MICU3: variants seen among roughly 807,000 people sequenced by gnomAD.
MICU3 encodes mitochondrial calcium uptake 3.
Under a neutral mutation model 66.5 loss-of-function variants are expected in MICU3, and 62 were observed. The observed-to-expected ratio is 0.93, with a 90% CI of 0.76 to 1.15. MICU3 has a LOEUF of 1.15. MICU3 is among the 50% of genes most tolerant of loss of function. The pLI, the probability that MICU3 is intolerant of heterozygous loss-of-function variation, is 0.00. For synonymous variants in MICU3, 308 were observed against 240.7 expected (o/e 1.28, Z -2.59); for missense variants, 779 against 664.4 (o/e 1.17, Z -1.90).
intron 1 of MICU3, among the ~76,000 whole-genome samples, chr8:17,049,959 A>G (rs951644186): frequency 1.3e-5 from 2 of 151,928 alleles, no homozygotes; most frequent in African/African-American, 2.4e-5. Context: ...GACTGTTTCT[A>G]TGGTAGCACC....
intron 1 of MICU3, among the ~76,000 whole-genome samples, chr8:17,039,848 G>A (rs1304406725): frequency 6.0e-5 from 8 of 133,214 alleles, no homozygotes; most frequent in African/African-American, 1.9e-4. Flanking sequence ...TGTATATATT[G>A]TTGAGTGATT....
intron 1 of MICU3, among the ~76,000 whole-genome samples, chr8:17,060,336 G>A (rs1054198210): frequency 4.0e-5 from 6 of 150,882 alleles, no homozygotes; most frequent in African/African-American, 7.3e-5. Flanking sequence ...TCGTGCTGTC[G>A]ATTAGGCTGG....
rs1020803015 is a variant in MICU3 at position 17,104,919 on chromosome 8, C to T, written c.1085+428C>T. 1.3e-4 allele frequency among the ~76,000 whole-genome samples: 5 copies of T among 38,432 alleles called. 1 individual carries two copies. Among genetic ancestry groups the T allele is most frequent in the Non-Finnish European group, 1.9e-4 (5 of 25,684 alleles). The allele number at this position is 38,432 out of a possible 152,430, so 25.2% of individuals were successfully genotyped here. Reference sequence around the variant, plus strand: ...CTGAGGCAGGAGAATGGCGTGAACCCGGGAGGCGGAGCTTGCAGTGAGCCG... The same window carrying T: ...CTGAGGCAGGAGAATGGCGTGAACCTGGGAGGCGGAGCTTGCAGTGAGCCG... On this transcript the variant is annotated intron_variant, in intron 10 of 14. Transcript: ENST00000318063.
chr8:17,133,561 C>T, the MICU3 span, among the ~76,000 whole-genome samples: 1 of 151,766 alleles, frequency 6.6e-6, no homozygotes, highest in Admixed American at 6.6e-5. Flanking sequence ...TTGCCATTTC[C>T]TTACTGCTTT....
intron 2 of MICU3, among the ~76,000 whole-genome samples, chr8:17,069,321 T>TA (rs1363488067): frequency 6.6e-6 from 1 of 152,170 alleles, no homozygotes; most frequent in African/African-American, 2.4e-5. Flanking sequence ...ATGTTAATGT[T>TA]ATTTTATATT....
chr8:17,090,332 A>G (rs1252380238), intron 7 of MICU3, among the ~76,000 whole-genome samples: 1 of 152,106 alleles, frequency 6.6e-6, no homozygotes, highest in East Asian at 1.9e-4. Flanking sequence ...GCAAAAATTC[A>G]TTTAATGTTT....
intron 6 of MICU3, 99 bp downstream of exon 6, chr8:17,085,417 G>C: frequency 1.5e-6 from 1 of 661,926 alleles, no homozygotes; most frequent in Non-Finnish European, 2.5e-6. Context: ...AGAGAAAAGA[G>C]TGAAAAACTT....
chr8:17,051,170 T>C (rs1188684607), intron 1 of MICU3, among the ~76,000 whole-genome samples: 2 of 152,346 alleles, frequency 1.3e-5, no homozygotes, highest in East Asian at 3.8e-4. Context: ...TATATTTTTC[T>C]GAAGTCAGCT....
chr8:17,065,252 A>G (rs1407227159), intron 2 of MICU3, among the ~76,000 whole-genome samples: 1 of 152,190 alleles, frequency 6.6e-6, no homozygotes, highest in East Asian at 1.9e-4. Flanking sequence ...AGAGACAGCA[A>G]TATGGCAAAA....
chr8:17,059,547 A>G (rs2150605308), intron 1 of MICU3, among the ~76,000 whole-genome samples: 2 of 152,346 alleles, frequency 1.3e-5, no homozygotes, highest in Middle Eastern at 3.4e-3. Context: ...AAATGCTGAA[A>G]AGGAGAAGCT....
intron 2 of MICU3, among the ~76,000 whole-genome samples, chr8:17,068,049 T>C (rs369070234): frequency 6.6e-6 from 1 of 152,086 alleles, no homozygotes; most frequent in East Asian, 1.9e-4. Flanking sequence ...TATTTTAATT[T>C]AGATTTTTAA....
At chr8:17,128,229 TACACACACACACACAC>T in the MICU3 span, among the ~76,000 whole-genome samples, 34 of 144,460 alleles carry the variant, frequency 2.4e-4, no homozygotes, top group Admixed American at 2.2e-3. Context: ...GAGATCAGTG[TACACACACACACACAC>T]ACACACACAC....
At chr8:17,133,252 A>G in the MICU3 span, among the ~76,000 whole-genome samples, 2 of 152,178 alleles carry the variant, frequency 1.3e-5, no homozygotes, top group Non-Finnish European at 2.9e-5. Flanking sequence ...TTTGTTTTTA[A>G]TTGGAGGATT....
chr8:17,033,657 T>C (rs949127593), intron 1 of MICU3, among the ~76,000 whole-genome samples: 3 of 152,170 alleles, frequency 2.0e-5, no homozygotes, highest in African/African-American at 7.2e-5. Context: ...CAGGATGGTC[T>C]TGATGTCCTG....
At chr8:17,066,011 G>T (rs956292961) in intron 2 of MICU3, among the ~76,000 whole-genome samples, 1 of 151,502 alleles carries the variant, frequency 6.6e-6, no homozygotes, top group African/African-American at 2.4e-5. Context: ...AGTCATAGTA[G>T]CCACTTTGGG....
At chr8:17,109,869 G>C (rs896115813) in intron 11 of MICU3, among the ~76,000 whole-genome samples, 2 of 152,186 alleles carry the variant, frequency 1.3e-5, no homozygotes, top group African/African-American at 4.8e-5. Context: ...TAACAAGAAA[G>C]TAGTATAATT....
At chr8:17,120,164 T>G (rs2150845439) in intron 14 of MICU3, 124 bp from the exon 15 acceptor site, 1 of 152,252 alleles carries the variant, frequency 6.6e-6, no homozygotes, top group East Asian at 1.9e-4. Flanking sequence ...TGTCTTATAT[T>G]TTATGTGGGG....
intron 1 of MICU3, among the ~76,000 whole-genome samples, chr8:17,047,984 G>C (rs574260685): frequency 1.5e-4 from 23 of 152,264 alleles, no homozygotes; most frequent in African/African-American, 5.3e-4. Context: ...TTCAAATAGT[G>C]AACAACTGAT....
intron 1 of MICU3, chr8:17,049,668 T>A: frequency 3.9e-6 from 2 of 515,232 alleles, no homozygotes; most frequent in Non-Finnish European, 7.7e-6. Context: ...TATAACAAGT[T>A]GTGTAATGTG....
Sources: gnomAD v4.1 joint callset for allele counts (sites outside exome capture counted in the v4.1 genomes callset) on GRCh38, gnomAD v4.1.1 for gene constraint, MANE v1.5 for transcripts, NCBI Gene and HGNC (gene_info 2026-07-23, HGNC 2026-07-21) for gene names.